The following PKP4 variants were observed in gnomAD, a reference collection of about 807,000 sequenced individuals.
The protein encoded by PKP4 is plakophilin 4.
A neutral mutation model predicts 145.1 loss-of-function variants in PKP4; 90 were observed. The ratio of observed to expected loss-of-function variants is 0.62; its 90% confidence interval spans 0.52 to 0.74. The LOEUF (loss-of-function observed/expected upper bound fraction) is 0.74. PKP4 is among the 30% of genes least tolerant of loss of function. The pLI is 0.00. For synonymous variants in PKP4, 563 were observed against 577.2 expected, an observed-to-expected ratio of 0.98 and a Z score of 0.35; for missense variants, 1,340 against 1,482.7, an observed-to-expected ratio of 0.90 and a Z score of 1.58.
At chr2:158,497,093 C>A (rs549487460) in intron 1 of PKP4, among the ~76,000 whole-genome samples, 1 of 152,214 alleles carries the variant, frequency 6.6e-6, no homozygotes, top group East Asian at 1.9e-4. Context: ...TGAAGCAATT[C>A]AGCTTGGTTA....
At chr2:158,657,131 T>G (rs548207396) in intron 11 of PKP4, among the ~76,000 whole-genome samples, 2 of 151,510 alleles carry the variant, frequency 1.3e-5, no homozygotes, top group East Asian at 2.0e-4. Flanking sequence ...TGTAGGACTC[T>G]GGGGGGGACT....
At chr2:158,656,368 G>A (rs529682835) in intron 11 of PKP4, among the ~76,000 whole-genome samples, 181 of 142,654 alleles carry the variant, frequency 1.3e-3, no homozygotes, top group African/African-American at 4.4e-3. Context: ...GCCTTCTAAC[G>A]GGACCCTAGC....
At chr2:158,520,839 T>A (rs2042309133) in intron 1 of PKP4, among the ~76,000 whole-genome samples, 1 of 152,246 alleles carries the variant, frequency 6.6e-6, no homozygotes, top group South Asian at 2.1e-4. Context: ...GGAATCCCAC[T>A]GTTTGTGTTC....
At chr2:158,494,244 C>CT (rs899420723) in intron 1 of PKP4, among the ~76,000 whole-genome samples, 362 of 145,260 alleles carry the variant, frequency 2.5e-3, no homozygotes, top group African/African-American at 5.4e-3. Flanking sequence ...ATATTATGTA[C>CT]TTTTTTTTTT....
At chr2:158,602,605 T>C (rs1161636247) in intron 3 of PKP4, among the ~76,000 whole-genome samples, 2 of 152,256 alleles carry the variant, frequency 1.3e-5, no homozygotes, top group African/African-American at 4.8e-5. Flanking sequence ...TATGAAGTTC[T>C]GCGTTTTAAA....
Position 158,676,741 on chromosome 2 carries a change from G to A in PKP4, c.3130G>A (p.Gly1044Ser), listed in dbSNP as rs752740933. ...TCCTCCTTTGCCTCTCCCTTCAGTC[G>A]GCAGCACCTCTTCCTCACCAGCACT... is the stretch of plus-strand genomic sequence containing the variant. Reference protein sequence around the residue: ...QQMSPIIQSVGSTSSSPALLG... With the variant: ...QQMSPIIQSVSSTSSSPALLG... The change falls in exon 20 of 22, where the codon GGC (glycine) becomes AGC (serine). Residue 1044 changes from glycine to serine, a missense_variant and splice_region_variant. Coordinates refer to ENST00000389759, the MANE Select transcript of PKP4 (RefSeq NM_003628.6). The A allele has an allele frequency of 1.9e-5, 31 of 1,613,846 alleles. 1 individual carries two copies. In the South Asian group the frequency reaches 2.5e-4, roughly 13 times the overall value.
chr2:158,481,953 CTG>C (rs1284976490), intron 1 of PKP4, among the ~76,000 whole-genome samples: 1 of 152,126 alleles, frequency 6.6e-6, no homozygotes, highest in Non-Finnish European at 1.5e-5. Context: ...ATTTTAAAAA[CTG>C]TTGTAATGTT....
intron 2 of PKP4, among the ~76,000 whole-genome samples, chr2:158,534,683 G>A (rs1299680221): frequency 3.3e-5 from 5 of 152,124 alleles, no homozygotes; most frequent in East Asian, 1.9e-4. Flanking sequence ...TATTAACTGC[G>A]TGCAGTAAAC....
chr2:158,618,997 G>T (rs952929590), intron 4 of PKP4, among the ~76,000 whole-genome samples: 1 of 152,166 alleles, frequency 6.6e-6, no homozygotes, highest in Non-Finnish European at 1.5e-5. Flanking sequence ...GGCTACCACA[G>T]TGGTACTTTT....
At chr2:158,675,212 A>G (rs761234802) in intron 19 of PKP4, among the ~76,000 whole-genome samples, 2 of 152,222 alleles carry the variant, frequency 1.3e-5, no homozygotes, top group Non-Finnish European at 2.9e-5. Flanking sequence ...TTAGATTAGT[A>G]CGAGCTTGTC....
At chr2:158,586,031 C>G (rs917756942) in intron 3 of PKP4, among the ~76,000 whole-genome samples, 3 of 151,856 alleles carry the variant, frequency 2.0e-5, no homozygotes, top group Admixed American at 6.6e-5. Context: ...AATTTGTGGT[C>G]TTTTGTGTCT....
At chr2:158,493,694 C>G (rs1695282806) in intron 1 of PKP4, among the ~76,000 whole-genome samples, 1 of 152,202 alleles carries the variant, frequency 6.6e-6, no homozygotes, top group African/African-American at 2.4e-5. Context: ...CTGTAGGTGT[C>G]TAGCACTGCT....
intron 1 of PKP4, among the ~76,000 whole-genome samples, chr2:158,494,713 A>G (rs1695428630): frequency 6.6e-6 from 1 of 152,234 alleles, no homozygotes; most frequent in East Asian, 1.9e-4. Context: ...ATGATTTTTT[A>G]TAACCAAATA....
chr2:158,484,194 C>T (rs1273216341), intron 1 of PKP4, among the ~76,000 whole-genome samples: 1 of 151,920 alleles, frequency 6.6e-6, no homozygotes, highest in East Asian at 1.9e-4. Context: ...ACTACAGGCG[C>T]CCGCCACCGC....
chr2:158,637,961 G>A (rs1162652019), intron 9 of PKP4, among the ~76,000 whole-genome samples: 2 of 152,224 alleles, frequency 1.3e-5, no homozygotes, highest in Non-Finnish European at 2.9e-5. Flanking sequence ...TCTGGCAGGA[G>A]CCCACCCTCG....
rs371399047 is a variant in PKP4 at position 158,646,835 on chromosome 2, A to G, written c.1909+4136A>G. Among the ~76,000 whole-genome samples, 20 of 152,334 alleles carry G rather than the reference A, an allele frequency of 1.3e-4. 2 individuals are homozygous for G. Among genetic ancestry groups the G allele is most frequent in the South Asian group, 1.2e-3 (6 of 4,828 alleles). ...GCCGCCATCACATGCATGAACCCAC[A>G]GCACAGGAAGCTCATTACCTGGTGG... On this transcript the variant is annotated intron_variant, in intron 11 of 21. Coordinates refer to ENST00000389759, the MANE Select transcript of PKP4 (RefSeq NM_003628.6).
rs781259094 is a variant in PKP4 at position 158,577,387 on chromosome 2, C to T, written c.245+4C>T. The stretch of plus-strand genomic sequence containing the variant: ...CACCAAGCATCGCCAGCACCAGGTA[C>T]AGGGCCAATGGCTCCATCTTTATGC... On this transcript the variant is annotated splice_donor_region_variant and intron_variant, in intron 3 of 21. Transcript: ENST00000389759. 1 of 1,578,698 alleles carries T rather than the reference C, an allele frequency of 6.3e-7. No homozygotes were observed. Among genetic ancestry groups the T allele is most frequent in the Admixed American group, 1.7e-5 (1 of 59,572 alleles).
intron 1 of PKP4, among the ~76,000 whole-genome samples, chr2:158,512,522 G>C (rs990497523): frequency 6.6e-6 from 1 of 152,218 alleles, no homozygotes; most frequent in Non-Finnish European, 1.5e-5. Context: ...GTGTGCCCAT[G>C]TGGCATGGAA....
intron 1 of PKP4, among the ~76,000 whole-genome samples, chr2:158,469,907 T>C (rs1005693508): frequency 6.6e-6 from 1 of 152,222 alleles, no homozygotes; most frequent in African/African-American, 2.4e-5. Context: ...CTTCTCTGCC[T>C]GGTGAGCCCT....
Sources: allele counts gnomAD v4.1 joint callset (sites outside exome capture counted in the v4.1 genomes callset), GRCh38; gene constraint gnomAD v4.1.1; transcripts MANE v1.5; gene names NCBI Gene and HGNC (gene_info 2026-07-23, HGNC 2026-07-21).